Variants in SLCO1A2 observed in about 807,000 individuals in gnomAD.
SLCO1A2 encodes OATP-1.
In SLCO1A2, 67 loss-of-function variants were observed where a neutral mutation model predicts 69.0. That is an observed-to-expected ratio of 0.97 (90% CI 0.80 to 1.19). SLCO1A2 has a LOEUF of 1.19. Ranked by LOEUF, SLCO1A2 falls within the 50% of genes most tolerant of loss-of-function variation. The pLI is 0.00. For missense variants in SLCO1A2, 787 were observed against 793.7 expected (o/e 0.99, Z 0.10); for synonymous variants, 260 against 265.9 (o/e 0.98, Z 0.22).
chr12:21,381,368 C>T (rs750089523), intron 1 of SLCO1A2, among the ~76,000 whole-genome samples: 1 of 151,928 alleles, frequency 6.6e-6, no homozygotes, highest in Non-Finnish European at 1.5e-5. Flanking sequence ...CATGAATAGA[C>T]ATTTACTTAA....
chr12:21,313,536 A>T (rs552400037), intron 4 of SLCO1A2, among the ~76,000 whole-genome samples: 8 of 152,224 alleles, frequency 5.3e-5, no homozygotes, highest in Non-Finnish European at 1.0e-4. Context: ...ACTTGGGGAA[A>T]CCCCATCTCT....
At chr12:21,292,418 C>T in intron 11 of SLCO1A2, 82 bp from the exon 12 acceptor site, 1 of 1,083,884 alleles carries the variant, frequency 9.2e-7, no homozygotes. Context: ...CCAGTTGGAT[C>T]AAGATGGAGA....
intron 2 of SLCO1A2, among the ~76,000 whole-genome samples, chr12:21,367,839 A>G (rs1312332652): frequency 6.6e-6 from 1 of 152,118 alleles, no homozygotes; most frequent in Admixed American, 6.5e-5. Context: ...AAATACATAT[A>G]AAGTATATTT....
At chr12:21,311,989 A>AGAG (rs199881908) in intron 4 of SLCO1A2, among the ~76,000 whole-genome samples, 2 of 149,942 alleles carry the variant, frequency 1.3e-5, no homozygotes, top group Non-Finnish European at 3.0e-5. Context: ...AGGAGGAGGA[A>AGAG]GAGGAGGAGG....
At chr12:21,378,324 T>C (rs144465370) in intron 1 of SLCO1A2, 620 of 1,614,090 alleles carry the variant, frequency 3.8e-4, no homozygotes, top group Non-Finnish European at 4.9e-4. Flanking sequence ...GCAACAACTT[T>C]GGTGCCATTC....
intron 12 of SLCO1A2, among the ~76,000 whole-genome samples, chr12:21,279,050 T>G (rs1011382361): frequency 3.3e-5 from 5 of 151,838 alleles, no homozygotes; most frequent in African/African-American, 1.2e-4. Flanking sequence ...GTTAAAAAAA[T>G]GCAATGACAT....
intron 1 of SLCO1A2, among the ~76,000 whole-genome samples, chr12:21,383,760 C>T (rs1940729231): frequency 6.6e-6 from 1 of 151,974 alleles, no homozygotes; most frequent in African/African-American, 2.4e-5. Context: ...ACGGGTTCTA[C>T]CTTATTTTTT....
intron 2 of SLCO1A2, among the ~76,000 whole-genome samples, chr12:21,362,442 A>G (rs1183429876): frequency 6.6e-6 from 1 of 152,164 alleles, no homozygotes; most frequent in Non-Finnish European, 1.5e-5. Flanking sequence ...CCACTGCAAA[A>G]ACATGCCAAA....
chr12:21,368,548 T>C (rs947845206), intron 2 of SLCO1A2, among the ~76,000 whole-genome samples: 1 of 152,084 alleles, frequency 6.6e-6, no homozygotes, highest in Non-Finnish European at 1.5e-5. Context: ...AAATTGTATG[T>C]TTAGATGGGA....
chr12:21,273,382 C>T (rs1314510410), intron 14 of SLCO1A2, among the ~76,000 whole-genome samples: 1 of 152,054 alleles, frequency 6.6e-6, no homozygotes, highest in Non-Finnish European at 1.5e-5. Flanking sequence ...TCTCAGTGTC[C>T]CTGCTAACAA....
At chr12:21,407,083 A>G (rs1054820281) in intron 1 of SLCO1A2, among the ~76,000 whole-genome samples, 5 of 152,196 alleles carry the variant, frequency 3.3e-5, no homozygotes, top group African/African-American at 1.2e-4. Context: ...AAACAATTTA[A>G]CAAAATAATT....
upstream of SLCO1A2, among the ~76,000 whole-genome samples, chr12:21,338,238 G>A (rs1389365545): frequency 1.3e-5 from 2 of 151,840 alleles, no homozygotes; most frequent in African/African-American, 4.8e-5. Context: ...TCCTCTATGT[G>A]CTCTAGGCCT....
At chr12:21,378,444 T>C (rs1295328044) in intron 1 of SLCO1A2, 6 of 1,582,864 alleles carry the variant, frequency 3.8e-6, no homozygotes, top group Admixed American at 1.7e-5. Context: ...TGTAACTCTA[T>C]AGTTATTGTT....
rs190280667 is a variant in SLCO1A2 at position 21,356,218 on chromosome 12, T to A, written c.-63+18181A>T. ...TGATGGTTTATGTAAGAATTAAATT[T>A]AAAATATTTATATATAATTCTTGAA... On this transcript the variant is annotated intron_variant, in intron 2 of 15. Transcript: ENST00000307378. 1.4e-4 allele frequency among the ~76,000 whole-genome samples: 22 copies of A among 152,088 alleles called. No individual in the cohort carries two copies. In the East Asian group the frequency reaches 4.0e-3, roughly 28 times the overall value.
intron 2 of SLCO1A2, among the ~76,000 whole-genome samples, chr12:21,361,766 G>T (rs935931951): frequency 1.3e-5 from 2 of 152,120 alleles, no homozygotes; most frequent in Non-Finnish European, 2.9e-5. Flanking sequence ...TTCAGTAGCC[G>T]ATTTGATCAA....
intron 1 of SLCO1A2, among the ~76,000 whole-genome samples, chr12:21,380,788 A>T (rs972161041): frequency 1.4e-4 from 22 of 152,144 alleles, no homozygotes; most frequent in African/African-American, 5.3e-4. Context: ...GAGTAACCTG[A>T]GTGAGTTAGG....
upstream of SLCO1A2, among the ~76,000 whole-genome samples, chr12:21,398,096 G>T (rs1377530384): frequency 7.1e-6 from 1 of 140,908 alleles, no homozygotes; most frequent in Non-Finnish European, 1.6e-5. Flanking sequence ...CTGGTTTTTT[G>T]AAAGGATCAA....
intron 1 of SLCO1A2, among the ~76,000 whole-genome samples, chr12:21,378,084 C>G (rs1467197363): frequency 1.3e-5 from 2 of 152,118 alleles, no homozygotes; most frequent in Non-Finnish European, 2.9e-5. Context: ...AAAAAAATCT[C>G]AGCCATCTAG....
At chr12:21,363,383 C>T (rs1939092821) in intron 2 of SLCO1A2, among the ~76,000 whole-genome samples, 2 of 152,158 alleles carry the variant, frequency 1.3e-5, no homozygotes, top group South Asian at 4.1e-4. Context: ...ATCTCTGGGA[C>T]ACATTTAAAG....
Sources: allele counts gnomAD v4.1 joint callset (sites outside exome capture counted in the v4.1 genomes callset), GRCh38; gene constraint gnomAD v4.1.1; transcripts MANE v1.5; gene names NCBI Gene and HGNC (gene_info 2026-07-23, HGNC 2026-07-21).